The following TMEM132C variants were observed in gnomAD, a reference collection of about 807,000 sequenced individuals.
The protein encoded by TMEM132C is protein phosphatase 1, regulatory subunit 152.
In TMEM132C, 29 loss-of-function variants were observed where a neutral mutation model predicts 61.4. The ratio of observed to expected loss-of-function variants is 0.47; its 90% CI spans 0.35 to 0.64. TMEM132C has a LOEUF of 0.64. Among genes scored for constraint, TMEM132C ranks in the 30% least tolerant of loss-of-function variants. The probability of loss-of-function intolerance (pLI) is 0.00; values close to 1 mark genes in which losing one functional copy is unlikely to be tolerated. For missense variants in TMEM132C, 1,408 were observed against 1,476.9 expected, an observed-to-expected ratio of 0.95 and a Z score of 0.76; for synonymous variants, 656 against 633.1, an observed-to-expected ratio of 1.04 and a Z score of -0.54.
In TMEM132C at chr12:128,696,002, C is replaced by T. The variant is rs1372437449; in HGVS notation, c.1828C>T (p.His610Tyr). 5 of 1,551,806 alleles carry T rather than the reference C, an allele frequency of 3.2e-6. No individual in the cohort carries two copies. The highest frequency in any genetic ancestry group is 3.5e-6 in the Non-Finnish European group (4 of 1,147,014). The stretch of plus-strand genomic sequence containing the variant: ...TCCTAACTGGCAGTTCGACATCACT[C>T]ACCTGGTGGCAGACTTCATGAAGCT... ...LSPNWQFDIT[H>Y]LVADFMKLEE... The change falls in exon 7 of 9, where the codon CAC (histidine) becomes TAC (tyrosine). Residue 610 changes from histidine (H) to tyrosine (Y), a missense_variant. Coordinates refer to ENST00000435159, the MANE Select transcript of TMEM132C (RefSeq NM_001136103.3).
chr12:128,571,998 C>G (rs1277605736), intron 3 of TMEM132C, among the ~76,000 whole-genome samples: 7 of 152,262 alleles, frequency 4.6e-5, no homozygotes, highest in Non-Finnish European at 1.5e-5. Context: ...CTGAACCAAT[C>G]ATATGTCTCT....
intron 1 of TMEM132C, among the ~76,000 whole-genome samples, chr12:128,312,954 G>A (rs575315590): frequency 1.1e-4 from 17 of 152,326 alleles, no homozygotes; most frequent in Admixed American, 2.0e-4. Flanking sequence ...CCCAGTGGAG[G>A]GACTACCTAG....
At chr12:128,288,280 A>T (rs1177696136) in intron 1 of TMEM132C, 1 of 151,230 alleles carries the variant, frequency 6.6e-6, no homozygotes, top group Non-Finnish European at 1.5e-5. Context: ...CTGGTCTCAA[A>T]CTCCCTACCT....
chr12:128,506,004 G>A (rs572573991), intron 2 of TMEM132C, among the ~76,000 whole-genome samples: 17 of 152,320 alleles, frequency 1.1e-4, no homozygotes, highest in Middle Eastern at 3.4e-3. Flanking sequence ...AGACCATGGC[G>A]GCATAAATAT....
At chr12:128,480,795 T>A (rs963624911) in intron 2 of TMEM132C, among the ~76,000 whole-genome samples, 2 of 152,170 alleles carry the variant, frequency 1.3e-5, no homozygotes, top group Admixed American at 1.3e-4. Flanking sequence ...GGGGAAGCCT[T>A]GCTGCACTGC....
intron 1 of TMEM132C, among the ~76,000 whole-genome samples, chr12:128,353,686 G>T (rs964356978): frequency 2.6e-5 from 4 of 152,184 alleles, no homozygotes; most frequent in African/African-American, 9.7e-5. Flanking sequence ...GGAGGAGGCA[G>T]CCTGGCTGGA....
intron 1 of TMEM132C, among the ~76,000 whole-genome samples, chr12:128,390,470 G>A (rs1268039559): frequency 6.6e-6 from 1 of 152,072 alleles, no homozygotes; most frequent in Non-Finnish European, 1.5e-5. Flanking sequence ...AGCCTCCTCT[G>A]CCACCTCCCT....
intron 2 of TMEM132C, among the ~76,000 whole-genome samples, chr12:128,460,275 C>T (rs1407986620): frequency 6.6e-6 from 1 of 152,172 alleles, no homozygotes; most frequent in Admixed American, 6.5e-5. Flanking sequence ...ATGACAGTGT[C>T]ACCAGGACTG....
At chr12:128,675,435 C>T (rs944452431) in intron 5 of TMEM132C, among the ~76,000 whole-genome samples, 2 of 152,316 alleles carry the variant, frequency 1.3e-5, no homozygotes, top group Non-Finnish European at 2.9e-5. Context: ...AGGCCAAAAG[C>T]TCTTGACCAT....
At chr12:128,280,747 A>G (rs1870865159) in intron 1 of TMEM132C, among the ~76,000 whole-genome samples, 1 of 152,188 alleles carries the variant, frequency 6.6e-6, no homozygotes, top group African/African-American at 2.4e-5. Flanking sequence ...GGAAGTTCCA[A>G]GTTTACATGC....
intron 3 of TMEM132C, among the ~76,000 whole-genome samples, chr12:128,585,103 T>G (rs1025322671): frequency 4.6e-5 from 7 of 152,232 alleles, no homozygotes; most frequent in African/African-American, 1.7e-4. Flanking sequence ...GTCTTCACAC[T>G]TGCAGCCGTG....
intron 1 of TMEM132C, among the ~76,000 whole-genome samples, chr12:128,393,253 G>A (rs1244822784): frequency 1.3e-5 from 2 of 152,154 alleles, no homozygotes; most frequent in African/African-American, 2.4e-5. Flanking sequence ...CTAATCCAGG[G>A]CCGTCAAATG....
At chr12:128,677,567 T>C (rs565432487) in intron 5 of TMEM132C, among the ~76,000 whole-genome samples, 3 of 152,218 alleles carry the variant, frequency 2.0e-5, no homozygotes, top group African/African-American at 7.2e-5. Context: ...TACCTGGCTG[T>C]ACCTCCTATT....
At chr12:128,591,906 G>A (rs1375966098) in intron 3 of TMEM132C, among the ~76,000 whole-genome samples, 1 of 151,996 alleles carries the variant, frequency 6.6e-6, no homozygotes, top group Non-Finnish European at 1.5e-5. Flanking sequence ...ACAAAAATTA[G>A]CCAGGCATGG....
At chr12:128,536,436 A>G (rs934700913) in intron 2 of TMEM132C, among the ~76,000 whole-genome samples, 2 of 152,148 alleles carry the variant, frequency 1.3e-5, no homozygotes, top group African/African-American at 4.8e-5. Flanking sequence ...GATAAACCTA[A>G]TGTAAATGAT....
intron 1 of TMEM132C, among the ~76,000 whole-genome samples, chr12:128,340,892 T>TTCTTTCTC (rs61611217): frequency 0.025 from 3,506 of 142,366 alleles, 203 homozygotes; most frequent in African/African-American, 0.094. Flanking sequence ...TTCTTTTTCT[T>TTCTTTCTC]TCTTTCTCTC....
intron 3 of TMEM132C, among the ~76,000 whole-genome samples, chr12:128,594,115 C>T (rs1345128146): frequency 1.3e-5 from 2 of 151,194 alleles, no homozygotes; most frequent in Non-Finnish European, 2.9e-5. Context: ...CCACCGCAGG[C>T]GTCCCTGAAC....
rs187850792 is a variant in TMEM132C at position 128,618,008 on chromosome 12, A to G, written c.1305+1673A>G. 5.3e-5 allele frequency among the ~76,000 whole-genome samples: 8 copies of G among 152,292 alleles called. No homozygotes were observed. The East Asian group carries it at 1.4e-3, about 26-fold the overall frequency. Reference sequence around the variant, plus strand: ...GGTTTTAACATTTTTAAATATCTACATTTTTAAATGGTCCTGTCTAGCTTC... The same window carrying G: ...GGTTTTAACATTTTTAAATATCTACGTTTTTAAATGGTCCTGTCTAGCTTC... On this transcript the variant is annotated intron_variant, in intron 4 of 8. Coordinates refer to ENST00000435159, the MANE Select transcript of TMEM132C (RefSeq NM_001136103.3).
At chr12:128,622,354 AAAAAAAATATATATATATATAT>A (rs1478086412) in intron 4 of TMEM132C, among the ~76,000 whole-genome samples, 24 of 66,258 alleles carry the variant, frequency 3.6e-4, no homozygotes, top group African/African-American at 1.4e-3. Context: ...AAAAAAAAAA[AAAAAAAATATATATATATATAT>A]ATATATATAT....
Sources: gnomAD v4.1 joint callset for allele counts (sites outside exome capture counted in the v4.1 genomes callset) on GRCh38, gnomAD v4.1.1 for gene constraint, MANE v1.5 for transcripts, NCBI Gene and HGNC (gene_info 2026-07-23, HGNC 2026-07-21) for gene names.